GLIS3: variants seen among roughly 807,000 people sequenced by gnomAD.
GLIS3 encodes zinc finger protein GLIS3.
A neutral mutation model predicts 78.6 loss-of-function variants in GLIS3; 53 were observed. The observed-to-expected ratio is 0.67, with a 90% CI of 0.54 to 0.85. GLIS3 has a LOEUF of 0.85. GLIS3 is among the 40% of genes least tolerant of loss of function. The probability of loss-of-function intolerance (pLI) is 0.00; values close to 1 mark genes in which losing one functional copy is unlikely to be tolerated. For synonymous variants in GLIS3, 684 were observed against 509.9 expected, an observed-to-expected ratio of 1.34 and a Z score of -4.60; for missense variants, 1,703 against 1,231.1, an observed-to-expected ratio of 1.38 and a Z score of -5.74.
chr9:4,156,483 C>T (rs149341596), intron 2 of GLIS3, among the ~76,000 whole-genome samples: 24 of 152,286 alleles, frequency 1.6e-4, no homozygotes, highest in African/African-American at 5.1e-4. Context: ...GTATTACAGA[C>T]AGAATGTGGA....
chr9:4,201,911 A>C (rs890398975), intron 2 of GLIS3, among the ~76,000 whole-genome samples: 1 of 152,128 alleles, frequency 6.6e-6, no homozygotes, highest in African/African-American at 2.4e-5. Flanking sequence ...CGAGGCAGGA[A>C]GTTCACCTGA....
At chr9:3,874,777 T>C (rs1429931596) in intron 8 of GLIS3, among the ~76,000 whole-genome samples, 2 of 152,228 alleles carry the variant, frequency 1.3e-5, no homozygotes, top group African/African-American at 4.8e-5. Context: ...TGATTATTGT[T>C]GAGTGAGAGA....
intron 2 of GLIS3, among the ~76,000 whole-genome samples, chr9:4,174,000 A>G (rs1408949770): frequency 1.3e-5 from 2 of 152,082 alleles, no homozygotes; most frequent in Admixed American, 1.3e-4. Flanking sequence ...TTTAAAAAAA[A>G]CTTAATTTCC....
intron 4 of GLIS3, among the ~76,000 whole-genome samples, chr9:4,068,438 C>A (rs763280075): frequency 6.6e-6 from 1 of 151,522 alleles, no homozygotes. Flanking sequence ...TTGCAAAAGG[C>A]AAAAAGGGCA....
chr9:4,290,010 G>C (rs1391435543), intron 1 of GLIS3, among the ~76,000 whole-genome samples: 1 of 152,028 alleles, frequency 6.6e-6, no homozygotes, highest in Non-Finnish European at 1.5e-5. Flanking sequence ...CAAGGCTCCA[G>C]GCACTGCTCA....
At chr9:3,955,587 G>A (rs373234381) in intron 4 of GLIS3, among the ~76,000 whole-genome samples, 36 of 152,218 alleles carry the variant, frequency 2.4e-4, no homozygotes, top group African/African-American at 8.2e-4. Context: ...TATGGTTGGC[G>A]TTGGATTAAA....
At chr9:4,214,103 C>A (rs1429066227) in intron 2 of GLIS3, among the ~76,000 whole-genome samples, 1 of 152,224 alleles carries the variant, frequency 6.6e-6, no homozygotes, top group African/African-American at 2.4e-5. Flanking sequence ...CTCTGCTGCC[C>A]AGCATAGGCT....
intron 2 of GLIS3, among the ~76,000 whole-genome samples, chr9:4,168,229 G>A (rs953329843): frequency 6.6e-6 from 1 of 151,766 alleles, no homozygotes; most frequent in Non-Finnish European, 1.5e-5. Flanking sequence ...ACTTGCCAAA[G>A]CTTCAGACTA....
At chr9:4,425,603 C>T in the GLIS3 span, among the ~76,000 whole-genome samples, 30 of 152,340 alleles carry the variant, frequency 2.0e-4, no homozygotes, top group African/African-American at 4.1e-4. Context: ...GTTTGCAATG[C>T]AATGGGTAGA....
chr9:3,967,630 A>T (rs894061500), intron 4 of GLIS3, among the ~76,000 whole-genome samples: 2 of 152,226 alleles, frequency 1.3e-5, no homozygotes, highest in African/African-American at 4.8e-5. Flanking sequence ...CCTCGGTTAT[A>T]ATACATCAAT....
chr9:4,010,039 G>T (rs1821872144), intron 4 of GLIS3, among the ~76,000 whole-genome samples: 1 of 152,172 alleles, frequency 6.6e-6, no homozygotes. Flanking sequence ...TTGTGGCGGG[G>T]GGCCAGTATC....
chr9:3,869,147 A>G (rs1820807131), intron 8 of GLIS3, among the ~76,000 whole-genome samples: 2 of 152,252 alleles, frequency 1.3e-5, no homozygotes, highest in East Asian at 3.8e-4. Flanking sequence ...TAAACAAAAC[A>G]ACAGTAAACA....
the GLIS3 span, among the ~76,000 whole-genome samples, chr9:4,402,733 A>G: frequency 6.6e-6 from 1 of 152,304 alleles, no homozygotes; most frequent in African/African-American, 2.4e-5. Context: ...AAGCAGAAGA[A>G]AGACTTATTG....
chr9:4,391,482 C>T, the GLIS3 span, among the ~76,000 whole-genome samples: 4 of 151,858 alleles, frequency 2.6e-5, no homozygotes, highest in African/African-American at 9.7e-5. Context: ...AATCACTCTG[C>T]CTGTGTCACC....
chr9:3,996,004 CAA>C (rs199576326), intron 4 of GLIS3, among the ~76,000 whole-genome samples: 1 of 148,658 alleles, frequency 6.7e-6, no homozygotes. Context: ...TTCACTGTAG[CAA>C]AAAAAAAGAT....
chr9:4,290,491 G>T (rs1828360175), intron 1 of GLIS3, among the ~76,000 whole-genome samples: 1 of 152,080 alleles, frequency 6.6e-6, no homozygotes. Context: ...ATTCCCATGG[G>T]CTTCTCTTGT....
the GLIS3 span, among the ~76,000 whole-genome samples, chr9:4,377,717 T>C: frequency 1.9e-4 from 29 of 152,274 alleles, no homozygotes; most frequent in Non-Finnish European, 3.2e-4. Context: ...TATTGTTATA[T>C]AGTATAAGAT....
At chr9:3,883,894 C>T (rs1294146364) in intron 7 of GLIS3, among the ~76,000 whole-genome samples, 5 of 152,210 alleles carry the variant, frequency 3.3e-5, no homozygotes, top group Non-Finnish European at 7.3e-5. Flanking sequence ...GAGATGAATA[C>T]GTGAGCCTTG....
At chr9:4,483,191 T>C in the GLIS3 span, among the ~76,000 whole-genome samples, 10 of 138,186 alleles carry the variant, frequency 7.2e-5, no homozygotes, top group Admixed American at 6.8e-4. Context: ...TCATATACTA[T>C]ATCTTGCTTT....
Sources: gnomAD v4.1 joint callset for allele counts (sites outside exome capture counted in the v4.1 genomes callset) on GRCh38, gnomAD v4.1.1 for gene constraint, MANE v1.5 for transcripts, NCBI Gene and HGNC (gene_info 2026-07-23, HGNC 2026-07-21) for gene names.